DZIP1L: variants seen among roughly 807,000 people sequenced by gnomAD.
DZIP1L encodes the protein cilium assembly protein DZIP1L.
DZIP1L carries 90 observed loss-of-function variants against 88.7 expected under a neutral mutation model. The ratio of observed to expected loss-of-function variants is 1.02; its 90% CI spans 0.86 to 1.21. The LOEUF is 1.21. Ranked by LOEUF, DZIP1L falls within the 50% of genes most tolerant of loss-of-function variation. DZIP1L has a pLI of 0.00. For missense variants in DZIP1L, 932 were observed against 955.8 expected, an observed-to-expected ratio of 0.98 and a Z score of 0.33; for synonymous variants, 363 against 372.1, an observed-to-expected ratio of 0.98 and a Z score of 0.28.
At position 138,068,186 on chromosome 3, in the gene DZIP1L, G is replaced by A; in HGVS notation, c.1797C>T (p.Pro599=). 1 of 1,565,308 alleles carries A rather than the reference G, an allele frequency of 6.4e-7. No individual in the cohort carries two copies. The highest frequency in any genetic ancestry group is 8.7e-7 in the Non-Finnish European group (1 of 1,153,540). The change falls in exon 13 of 16, where the codon CCC becomes CCT. Residue 599 remains proline, a synonymous_variant. Transcript: ENST00000327532. ...APAPRPGLHG[P]SSTPPSSGPG... ...GCCCCGAGGAAGGAGGGGTGCTGGA[G>A]GGTCCATGCAGTCCGGGGCGTGGAG... is the stretch of plus-strand genomic sequence containing the variant.
At chr3:138,092,337 C>A in intron 5 of DZIP1L, 46 bp downstream of exon 5, 1 of 1,481,098 alleles carries the variant, frequency 6.8e-7, no homozygotes, top group Non-Finnish European at 8.9e-7. Flanking sequence ...TGAGAATAAG[C>A]AGATTTCCAA....
Position 138,104,038 on chromosome 3 carries a change from G to T in DZIP1L, c.-67C>A. ...ACCAAGGCCACGGCAGTAGGCCAAGGAGCTGAGAGAAGGCCTGGAAAATAA... is the reference window on the plus strand; with the variant it reads ...ACCAAGGCCACGGCAGTAGGCCAAGTAGCTGAGAGAAGGCCTGGAAAATAA... On this transcript the variant is annotated 5_prime_UTR_variant, in exon 2 of 16. Transcript: ENST00000327532. 6.5e-7 allele frequency: 1 copy of T among 1,533,540 alleles called. No homozygotes were observed. Among genetic ancestry groups the T allele is most frequent in the Non-Finnish European group, 8.7e-7 (1 of 1,152,228 alleles). The allele number at this position is 1,533,540 out of a possible 1,614,324, so 95.0% of individuals were successfully genotyped here. A position where few individuals can be genotyped will look rare whatever the true frequency, so the allele number is the denominator to read the frequency against.
At chr3:138,105,374 A>G (rs1242498528) in intron 1 of DZIP1L, among the ~76,000 whole-genome samples, 2 of 151,746 alleles carry the variant, frequency 1.3e-5, no homozygotes, top group Non-Finnish European at 2.9e-5. Flanking sequence ...AAATATATAT[A>G]TATATACATA....
At chr3:138,100,995 C>A (rs2042284226) in intron 2 of DZIP1L, among the ~76,000 whole-genome samples, 1 of 152,154 alleles carries the variant, frequency 6.6e-6, no homozygotes, top group Non-Finnish European at 1.5e-5. Flanking sequence ...TCAACACATG[C>A]ACACACAAAC....
intron 1 of DZIP1L, among the ~76,000 whole-genome samples, chr3:138,105,411 G>A (rs1304243367): frequency 1.3e-5 from 2 of 151,620 alleles, no homozygotes; most frequent in Non-Finnish European, 2.9e-5. Flanking sequence ...TGTCCATGAG[G>A]GATTGGTTCC....
At chr3:138,112,320 TATA>T (rs750870305) in intron 1 of DZIP1L, 17 of 152,300 alleles carry the variant, frequency 1.1e-4, no homozygotes, top group Admixed American at 2.0e-4. Flanking sequence ...TTATGATAAT[TATA>T]ATGATATACA....
intron 1 of DZIP1L, among the ~76,000 whole-genome samples, chr3:138,107,024 T>A: frequency 6.6e-6 from 1 of 152,154 alleles, no homozygotes; most frequent in East Asian, 1.9e-4. Context: ...AAGGGGAAGG[T>A]GCTCAGTGAT....
At chr3:138,076,565 G>A (rs765751734) in intron 11 of DZIP1L, among the ~76,000 whole-genome samples, 3 of 152,184 alleles carry the variant, frequency 2.0e-5, no homozygotes, top group African/African-American at 7.2e-5. Context: ...ACATACCATG[G>A]AATACTACTC....
chr3:138,067,192 C>T (rs1010939835), intron 14 of DZIP1L, among the ~76,000 whole-genome samples: 15 of 152,048 alleles, frequency 9.9e-5, no homozygotes, highest in Admixed American at 4.6e-4. Context: ...TTTGATCTCC[C>T]GTAGCTGGCC....
At chr3:138,075,508 A>G (rs2724702) in intron 11 of DZIP1L, among the ~76,000 whole-genome samples, 91,643 of 152,104 alleles carry the variant, frequency 0.6, 29,122 homozygotes, top group Non-Finnish European at 0.7. Context: ...AGAAACCCTC[A>G]AAACCATGCA....
chr3:138,112,389 G>C (rs1341609633), intron 1 of DZIP1L: 2 of 152,140 alleles, frequency 1.3e-5, no homozygotes, highest in East Asian at 3.9e-4. Context: ...CAAAGTGCAA[G>C]CGCTGACAGA....
Position 138,077,554 on chromosome 3 carries a change from C to G in DZIP1L, c.1367G>C (p.Arg456Thr), listed in dbSNP as rs374077294. ...RRNPTLLKHF[R>T]PILEDTLEEK... is the part of the protein sequence containing the mutation. Reference sequence around the variant, plus strand: ...TTCCAGGGTGTCCTCCAGGATTGGTCTGAAGTGCTTCAGCAAAGTGGGGTT... The same window carrying G: ...TTCCAGGGTGTCCTCCAGGATTGGTGTGAAGTGCTTCAGCAAAGTGGGGTT... The change falls in exon 11 of 16, where the codon AGA (arginine) becomes ACA (threonine). Residue 456 changes from arginine (R) to threonine (T), a missense_variant. Coordinates refer to ENST00000327532, the MANE Select transcript of DZIP1L (RefSeq NM_173543.3). The G allele has an allele frequency of 4.3e-6, 7 of 1,614,196 alleles. No homozygotes were observed. The highest frequency in any genetic ancestry group is 3.3e-5 in the Admixed American group (2 of 60,024).
At chr3:138,091,114 C>G (rs572984284) in intron 5 of DZIP1L, among the ~76,000 whole-genome samples, 1 of 151,794 alleles carries the variant, frequency 6.6e-6, no homozygotes, top group African/African-American at 2.4e-5. Flanking sequence ...CCCACCTTGG[C>G]CTCCCAAAGT....
At chr3:138,071,081 A>C (rs1319911054) in intron 12 of DZIP1L, among the ~76,000 whole-genome samples, 3 of 152,224 alleles carry the variant, frequency 2.0e-5, no homozygotes, top group Non-Finnish European at 2.9e-5. Context: ...CAAGGAACCA[A>C]CTATGAGCTC....
chr3:138,070,779 T>G (rs190488018), intron 12 of DZIP1L, among the ~76,000 whole-genome samples: 3 of 152,278 alleles, frequency 2.0e-5, no homozygotes, highest in Non-Finnish European at 1.5e-5. Context: ...TCTGGCCACA[T>G]GTGTCCCTGA....
chr3:138,102,191 C>A, intron 2 of DZIP1L: 2 of 1,362,960 alleles, frequency 1.5e-6, no homozygotes, highest in South Asian at 1.2e-5. Context: ...GCACCACAGG[C>A]GTGTCCGAGA....
In DZIP1L at chr3:138,094,911, TG is replaced by T; in HGVS notation, c.658del (p.Gln220LysfsTer27). The T allele has an allele frequency of 6.2e-7, 1 of 1,614,260 alleles. No individual in the cohort carries two copies. Among genetic ancestry groups the T allele is most frequent in the Non-Finnish European group, 8.5e-7 (1 of 1,180,046 alleles). ...EELRAKLKWT[Q>X]GELEAQREAE... is the part of the protein sequence containing the mutation. ...CTCCCTCTGGGCTTCCAGCTCCCCT[TG>T]GGTCCACTTTAGCTTGGCCCGTAGC... On this transcript the variant is annotated frameshift_variant, in exon 4 of 16. Transcript: ENST00000327532. LOFTEE classifies it high-confidence loss of function.
intron 12 of DZIP1L, among the ~76,000 whole-genome samples, chr3:138,068,828 G>A (rs955341584): frequency 6.6e-6 from 1 of 152,150 alleles, no homozygotes; most frequent in Admixed American, 6.5e-5. Flanking sequence ...ATGCAGTCTG[G>A]GGCAAGGCAG....
chr3:138,112,496 G>C (rs1194917545), intron 1 of DZIP1L: 1 of 152,156 alleles, frequency 6.6e-6, no homozygotes, highest in Non-Finnish European at 1.5e-5. Flanking sequence ...TCCACAGCTT[G>C]CGTCCTGATT....
Sources: gnomAD v4.1 joint callset for allele counts (sites outside exome capture counted in the v4.1 genomes callset) on GRCh38, gnomAD v4.1.1 for gene constraint, MANE v1.5 for transcripts, NCBI Gene and HGNC (gene_info 2026-07-23, HGNC 2026-07-21) for gene names.